Variants in OXCT1 observed in about 807,000 individuals in gnomAD.
The protein encoded by OXCT1 is 3-oxoacid CoA-transferase 1, also known as succinyl-CoA:3-ketoacid coenzyme A transferase 1, mitochondrial.
In OXCT1, 27 loss-of-function variants were observed where a neutral mutation model predicts 69.6. The ratio of observed to expected loss-of-function variants is 0.39; its 90% CI spans 0.29 to 0.54. OXCT1 has a LOEUF of 0.54. OXCT1 is among the 20% of genes least tolerant of loss of function. The probability of loss-of-function intolerance (pLI) is 0.72; values close to 1 mark genes in which losing one functional copy is unlikely to be tolerated. For synonymous variants in OXCT1, 202 were observed against 217.8 expected, an observed-to-expected ratio of 0.93 and a Z score of 0.64; for missense variants, 437 against 650.2, an observed-to-expected ratio of 0.67 and a Z score of 3.57.
At chr5:41,773,810 T>C (rs1704865631) in intron 13 of OXCT1, among the ~76,000 whole-genome samples, 1 of 152,194 alleles carries the variant, frequency 6.6e-6, no homozygotes, top group Non-Finnish European at 1.5e-5. Flanking sequence ...CTGATCTTGA[T>C]GGTTTCAGTA....
intron 7 of OXCT1, among the ~76,000 whole-genome samples, chr5:41,827,165 T>C (rs925283000): frequency 1.3e-5 from 2 of 152,206 alleles, no homozygotes; most frequent in Non-Finnish European, 2.9e-5. Flanking sequence ...AAGCTAAAAT[T>C]ATGACCTTTC....
At chr5:41,778,441 G>A (rs749284283) in intron 13 of OXCT1, among the ~76,000 whole-genome samples, 3 of 152,216 alleles carry the variant, frequency 2.0e-5, no homozygotes, top group Non-Finnish European at 4.4e-5. Flanking sequence ...TCAGTTTAGA[G>A]AGAAGAGGTC....
At chr5:41,833,531 A>AC (rs1013243143) in intron 7 of OXCT1, among the ~76,000 whole-genome samples, 2 of 151,698 alleles carry the variant, frequency 1.3e-5, no homozygotes, top group Non-Finnish European at 2.9e-5. Context: ...TCTGAAAAAA[A>AC]AAAAAAAAGA....
chr5:41,803,926 G>A (rs1446896613), intron 9 of OXCT1, among the ~76,000 whole-genome samples: 1 of 151,962 alleles, frequency 6.6e-6, no homozygotes, highest in Non-Finnish European at 1.5e-5. Context: ...ACACTGCCTG[G>A]AACTACTGCC....
chr5:41,782,990 T>C (rs1745483953), intron 13 of OXCT1, among the ~76,000 whole-genome samples: 1 of 152,226 alleles, frequency 6.6e-6, no homozygotes, highest in African/African-American at 2.4e-5. Context: ...TATCCTTAAT[T>C]CCTTACTGTT....
At chr5:41,780,181 G>A (rs1561070141) in intron 13 of OXCT1, among the ~76,000 whole-genome samples, 1 of 152,042 alleles carries the variant, frequency 6.6e-6, no homozygotes, top group Non-Finnish European at 1.5e-5. Context: ...GATGCTTTTT[G>A]GAAAATGCAA....
Position 41,853,463 on chromosome 5 carries a change from G to A in OXCT1, c.370C>T (p.Arg124Ter), listed in dbSNP as rs1579884900. Residue 124 changes from arginine to a stop codon, truncating the protein, a stop_gained, in exon 4 of 17, where the codon CGA (arginine) becomes TGA (stop). Transcript: ENST00000196371. LOFTEE classifies it high-confidence loss of function. The stretch of plus-strand genomic sequence containing the variant: ...TCTAATTCACCAGATAAGTACTGTC[G>A]TTCAAATTCTGCATTTTCTCCCACA... ...SYVGENAEFERQYLSGELEVE... is the reference protein window; with the variant it reads ...SYVGENAEFE The A allele has an allele frequency of 6.2e-7, 1 of 1,613,774 alleles. No individual in the cohort carries two copies. Among genetic ancestry groups the A allele is most frequent in the Non-Finnish European group, 8.5e-7 (1 of 1,179,782 alleles).
Position 41,870,395 on chromosome 5 carries a change from A to G in OXCT1, c.-37T>C, listed in dbSNP as rs939524520. The G allele has an allele frequency of 9.0e-6, 14 of 1,557,424 alleles. No homozygotes were observed. The African/African-American group carries it at 1.1e-4, about 12-fold the overall frequency. On this transcript the variant is annotated 5_prime_UTR_variant, in exon 1 of 17. Transcript: ENST00000196371. The surrounding 1 kb of genome is among the most constrained non-coding windows in gnomAD (Gnocchi z 4.2). ...GAGGCAGGAGGAGGCTGCGGGTTGGAGCGCGCGTTTGAGCGTCGGTGCGCG... is the reference window on the plus strand; with the variant it reads ...GAGGCAGGAGGAGGCTGCGGGTTGGGGCGCGCGTTTGAGCGTCGGTGCGCG...
rs933161898 is a variant in OXCT1 at position 41,850,304 on chromosome 5, A to G, written c.415-125T>C. Reference sequence around the variant, plus strand: ...TTCTAAAAAGTAGCTAGCATTGTACATTAGCATACTTCACTAATATTGTAT... The same window carrying G: ...TTCTAAAAAGTAGCTAGCATTGTACGTTAGCATACTTCACTAATATTGTAT... On this transcript the variant is annotated intron_variant, in intron 4 of 16. Coordinates refer to ENST00000196371, the MANE Select transcript of OXCT1 (RefSeq NM_000436.4). The G allele has an allele frequency of 8.1e-5, 82 of 1,011,720 alleles. 1 individual carries two copies. The highest frequency in any genetic ancestry group is 5.9e-4 in the Middle Eastern group (2 of 3,384). 62.7% of individuals were successfully genotyped at this position (1,011,720 alleles called of 1,614,324 possible).
At chr5:41,823,063 C>A (rs1020432693) in intron 7 of OXCT1, among the ~76,000 whole-genome samples, 2 of 152,074 alleles carry the variant, frequency 1.3e-5, no homozygotes, top group African/African-American at 4.8e-5. Context: ...AATTCTTTTT[C>A]TGCTTTTTTT....
chr5:41,798,282 G>A (rs998500841), intron 11 of OXCT1, among the ~76,000 whole-genome samples: 3 of 152,194 alleles, frequency 2.0e-5, no homozygotes, highest in Non-Finnish European at 4.4e-5. Flanking sequence ...ACACTACAGA[G>A]ATCTGGAATG....
chr5:41,854,308 A>G (rs1388012799), intron 3 of OXCT1, among the ~76,000 whole-genome samples: 1 of 152,212 alleles, frequency 6.6e-6, no homozygotes, highest in Non-Finnish European at 1.5e-5. Flanking sequence ...ATTCTTAGAA[A>G]TGGTATACAC....
intron 13 of OXCT1, among the ~76,000 whole-genome samples, chr5:41,768,477 A>T (rs1304040257): frequency 6.6e-6 from 1 of 152,206 alleles, no homozygotes; most frequent in East Asian, 1.9e-4. Flanking sequence ...AATATGATCC[A>T]AACTAAATTA....
intron 7 of OXCT1, among the ~76,000 whole-genome samples, chr5:41,818,655 T>C (rs917540329): frequency 1.3e-5 from 2 of 152,182 alleles, no homozygotes; most frequent in Admixed American, 6.5e-5. Flanking sequence ...TTTTTGGTTG[T>C]GTACCTGGAT....
At chr5:41,818,509 G>A (rs749340286) in intron 7 of OXCT1, among the ~76,000 whole-genome samples, 11 of 152,124 alleles carry the variant, frequency 7.2e-5, no homozygotes, top group Admixed American at 2.0e-4. Flanking sequence ...GAAATATGGC[G>A]TCCTTCACAC....
chr5:41,781,339 T>G (rs1000082623), intron 13 of OXCT1, among the ~76,000 whole-genome samples: 9 of 152,098 alleles, frequency 5.9e-5, no homozygotes, highest in African/African-American at 2.2e-4. Flanking sequence ...AAACAAAATC[T>G]TAATTTTGTT....
At chr5:41,863,786 G>A (rs928009726) in intron 1 of OXCT1, among the ~76,000 whole-genome samples, 3 of 152,190 alleles carry the variant, frequency 2.0e-5, no homozygotes, top group Admixed American at 2.0e-4. Context: ...AACCCACCAT[G>A]TGTCAAGTCC....
chr5:41,856,499 C>T (rs545209965), intron 3 of OXCT1, among the ~76,000 whole-genome samples: 15 of 152,270 alleles, frequency 9.9e-5, no homozygotes, highest in African/African-American at 3.4e-4. Context: ...CTCCTCACAC[C>T]GACAAGTGAC....
intron 14 of OXCT1, among the ~76,000 whole-genome samples, chr5:41,753,304 CACAT>C (rs976767523): frequency 1.5e-4 from 16 of 105,304 alleles, no homozygotes; most frequent in African/African-American, 1.1e-4. Flanking sequence ...CACACACACA[CACAT>C]AGACACACAC....
Sources: allele counts gnomAD v4.1 joint callset (sites outside exome capture counted in the v4.1 genomes callset), GRCh38; gene constraint gnomAD v4.1.1; non-coding constraint Gnocchi (gnomAD v3.1); transcripts MANE v1.5; gene names NCBI Gene and HGNC (gene_info 2026-07-23, HGNC 2026-07-21).